DENND1B: variants seen among roughly 807,000 people sequenced by gnomAD.
The protein encoded by DENND1B is DENN domain-containing protein 1B.
A neutral mutation model predicts 90.1 loss-of-function variants in DENND1B; 59 were observed. The observed-to-expected ratio is 0.65, with a 90% confidence interval of 0.53 to 0.81. The LOEUF (loss-of-function observed/expected upper bound fraction) is 0.81. DENND1B is among the 40% of genes least tolerant of loss of function. The probability of loss-of-function intolerance (pLI) is 0.00; values close to 1 mark genes in which losing one functional copy is unlikely to be tolerated. For missense variants in DENND1B, 862 were observed against 912.6 expected (o/e 0.94, Z 0.71); for synonymous variants, 337 against 324.6 (o/e 1.04, Z -0.41).
chr1:197,529,365 T>C (rs1398507284), intron 20 of DENND1B, among the ~76,000 whole-genome samples: 2 of 150,756 alleles, frequency 1.3e-5, no homozygotes, highest in African/African-American at 4.9e-5. Context: ...CGCGCACATG[T>C]GTATGTGTGG....
chr1:197,720,112 T>A (rs1378756181), intron 2 of DENND1B, among the ~76,000 whole-genome samples: 1 of 152,234 alleles, frequency 6.6e-6, no homozygotes, highest in East Asian at 1.9e-4. Flanking sequence ...TTTATCCAAG[T>A]GTACTATATA....
intron 20 of DENND1B, among the ~76,000 whole-genome samples, chr1:197,531,054 C>T (rs1229552650): frequency 2.0e-5 from 3 of 152,140 alleles, no homozygotes; most frequent in African/African-American, 7.2e-5. Context: ...CTATTTATTA[C>T]TTGTAGAACT....
At chr1:197,742,156 T>C (rs945229739) in intron 2 of DENND1B, among the ~76,000 whole-genome samples, 1 of 152,176 alleles carries the variant, frequency 6.6e-6, no homozygotes, top group Non-Finnish European at 1.5e-5. Flanking sequence ...AATTTTTTCT[T>C]TCAAAAACTC....
chr1:197,539,568 T>TATA (rs1670177022), intron 20 of DENND1B, among the ~76,000 whole-genome samples: 1 of 152,222 alleles, frequency 6.6e-6, no homozygotes, highest in Non-Finnish European at 1.5e-5. Flanking sequence ...AGACTTATAG[T>TATA]AGTTCAGATT....
intron 3 of DENND1B, among the ~76,000 whole-genome samples, chr1:197,698,054 C>A (rs1658625927): frequency 6.6e-6 from 1 of 152,062 alleles, no homozygotes; most frequent in African/African-American, 2.4e-5. Flanking sequence ...GAACTCAGCT[C>A]TGGATCAAGT....
At chr1:197,552,652 A>G (rs1055166931) in intron 16 of DENND1B, 2 of 1,014,834 alleles carry the variant, frequency 2.0e-6, no homozygotes, top group African/African-American at 1.7e-5. Flanking sequence ...TCATAACCTC[A>G]GTTCTTAAAT....
chr1:197,627,183 C>T (rs1678833354), intron 10 of DENND1B, among the ~76,000 whole-genome samples: 2 of 152,104 alleles, frequency 1.3e-5, no homozygotes, highest in Admixed American at 6.6e-5. Flanking sequence ...TTTTATGAGG[C>T]CAGCATCATC....
In DENND1B at chr1:197,588,246, T is replaced by G. The variant is rs190561935; in HGVS notation, c.1048-4993A>C. Among the ~76,000 whole-genome samples the G allele has an allele frequency of 5.8e-3, 881 of 152,344 alleles. 8 individuals are homozygous for G. The highest frequency in any genetic ancestry group is 0.011 in the Non-Finnish European group (716 of 68,036). Reference sequence around the variant, plus strand: ...AGTTATGGATGAAATACAGCTGTTTTTCTACCCTAGTATGCTGCTCAACTT... The same window carrying G: ...AGTTATGGATGAAATACAGCTGTTTGTCTACCCTAGTATGCTGCTCAACTT... On this transcript the variant is annotated intron_variant, in intron 14 of 22. Coordinates refer to ENST00000620048, the MANE Select transcript of DENND1B (RefSeq NM_001195215.2).
At chr1:197,721,956 TGC>T (rs1341363539) in intron 2 of DENND1B, among the ~76,000 whole-genome samples, 10 of 152,182 alleles carry the variant, frequency 6.6e-5, no homozygotes, top group African/African-American at 2.4e-4. Context: ...CAAGATATAC[TGC>T]CTATTATTCC....
At chr1:197,610,144 A>G (rs1677049832) in intron 12 of DENND1B, among the ~76,000 whole-genome samples, 1 of 150,748 alleles carries the variant, frequency 6.6e-6, no homozygotes, top group South Asian at 2.1e-4. Flanking sequence ...AATAAGGCTG[A>G]CTATTAAGAC....
intron 15 of DENND1B, among the ~76,000 whole-genome samples, chr1:197,579,050 C>T (rs543422285): frequency 6.6e-6 from 1 of 152,148 alleles, no homozygotes; most frequent in Non-Finnish European, 1.5e-5. Flanking sequence ...GAATAGCTTT[C>T]CAAGTGATTC....
chr1:197,728,610 C>T (rs947657495), intron 2 of DENND1B, among the ~76,000 whole-genome samples: 14 of 152,116 alleles, frequency 9.2e-5, no homozygotes, highest in African/African-American at 2.9e-4. Flanking sequence ...GTTATTTCTT[C>T]GAAATGCAGT....
chr1:197,641,510 T>C (rs1680265565), intron 10 of DENND1B, among the ~76,000 whole-genome samples: 1 of 152,210 alleles, frequency 6.6e-6, no homozygotes, highest in Admixed American at 6.5e-5. Flanking sequence ...TTTAAATGCA[T>C]ATATTTTTCA....
chr1:197,625,500 A>T (rs1007644044), intron 10 of DENND1B, among the ~76,000 whole-genome samples: 1 of 152,128 alleles, frequency 6.6e-6, no homozygotes, highest in African/African-American at 2.4e-5. Flanking sequence ...GACCTAAAAG[A>T]GCTCCTGAAG....
intron 2 of DENND1B, among the ~76,000 whole-genome samples, chr1:197,751,977 GAGAAGA>G (rs151250989): frequency 8.7e-4 from 121 of 138,908 alleles, no homozygotes; most frequent in East Asian, 7.9e-3. Context: ...GGAGGAGAAG[GAGAAGA>G]AGAAGAAGAA....
At chr1:197,511,010 T>C (rs1242881589) in intron 22 of DENND1B, 38 bp from the exon 23 acceptor site, 2 of 1,454,868 alleles carry the variant, frequency 1.4e-6, no homozygotes, top group Admixed American at 2.6e-5. Flanking sequence ...AGAAAACTTT[T>C]AATAAGCATT....
At chr1:197,578,112 G>C (rs1673854083) in intron 15 of DENND1B, among the ~76,000 whole-genome samples, 1 of 152,134 alleles carries the variant, frequency 6.6e-6, no homozygotes, top group Admixed American at 6.6e-5. Flanking sequence ...TTGATCAAAG[G>C]ATACAAAGTT....
At chr1:197,542,615 A>C (rs1351334292) in intron 18 of DENND1B, among the ~76,000 whole-genome samples, 1 of 152,234 alleles carries the variant, frequency 6.6e-6, no homozygotes, top group Non-Finnish European at 1.5e-5. Flanking sequence ...TACTATCTAT[A>C]GAAAACCAAG....
intron 5 of DENND1B, 114 bp from the exon 6 acceptor site, chr1:197,658,483 G>C: frequency 1.5e-6 from 1 of 645,818 alleles, no homozygotes. Flanking sequence ...GGTCAAAAAA[G>C]AACTATACCC....
Sources: allele counts gnomAD v4.1 joint callset (sites outside exome capture counted in the v4.1 genomes callset), GRCh38; gene constraint gnomAD v4.1.1; transcripts MANE v1.5; gene names NCBI Gene and HGNC (gene_info 2026-07-23, HGNC 2026-07-21).